CACHD1: variants seen among roughly 807,000 people sequenced by gnomAD.
The protein encoded by CACHD1 is cache domain containing 1.
CACHD1 carries 71 observed loss-of-function variants against 138.7 expected under a neutral mutation model. The observed-to-expected ratio is 0.51, with a 90% confidence interval of 0.42 to 0.62. The LOEUF is 0.62. Ranked by LOEUF, CACHD1 falls within the 20% of genes least tolerant of loss-of-function variation. The pLI is 0.00. For missense variants in CACHD1, 1,389 were observed against 1,625.3 expected (o/e 0.85, Z 2.50); for synonymous variants, 578 against 591.5 (o/e 0.98, Z 0.33).
At chr1:64,677,034 T>C in intron 22 of CACHD1, 23 bp downstream of exon 22, 1 of 1,551,598 alleles carries the variant, frequency 6.4e-7, no homozygotes, top group East Asian at 2.3e-5. Context: ...TAGTAAAGAA[T>C]TGAGGTTTTC....
intron 1 of CACHD1, among the ~76,000 whole-genome samples, chr1:64,484,366 G>C (rs1382548784): frequency 6.6e-6 from 1 of 152,004 alleles, no homozygotes; most frequent in Non-Finnish European, 1.5e-5. Flanking sequence ...TAGAGGTCTT[G>C]AGAGACAGGA....
Position 64,681,919 on chromosome 1 carries a change from T to A in CACHD1, c.3485-86T>A, listed in dbSNP as rs1650204262. The A allele has an allele frequency of 4.4e-6, 5 of 1,137,084 alleles. No individual in the cohort carries two copies. In the Admixed American group the frequency reaches 7.3e-5, roughly 17 times the overall value. The allele number at this position is 1,137,084 out of a possible 1,614,324, so 70.4% of individuals were successfully genotyped here. The stretch of plus-strand genomic sequence containing the variant: ...TTCCAAAGAGAATTCTCCCAGCATG[T>A]AAATGAGCCCTCTCAGAGCAAATGT... On this transcript the variant is annotated intron_variant, in intron 25 of 26. Coordinates refer to ENST00000651257, the MANE Select transcript of CACHD1 (RefSeq NM_020925.4).
intron 16 of CACHD1, among the ~76,000 whole-genome samples, chr1:64,669,728 A>G (rs1264628278): frequency 6.6e-6 from 1 of 151,834 alleles, no homozygotes; most frequent in African/African-American, 2.4e-5. Flanking sequence ...ATGAGTTGCT[A>G]TGGTAACAGT....
At chr1:64,517,549 A>T (rs1646467707) in intron 1 of CACHD1, among the ~76,000 whole-genome samples, 1 of 152,162 alleles carries the variant, frequency 6.6e-6, no homozygotes, top group Admixed American at 6.5e-5. Context: ...GAGACAAAGG[A>T]GTATGCCATG....
intron 4 of CACHD1, among the ~76,000 whole-genome samples, chr1:64,610,628 TG>T (rs371785002): frequency 2.0e-5 from 3 of 152,344 alleles, no homozygotes; most frequent in Non-Finnish European, 4.4e-5. Flanking sequence ...TCCCACGGCC[TG>T]GGGCAGCTCC....
At chr1:64,609,692 A>G (rs1293890911) in intron 4 of CACHD1, among the ~76,000 whole-genome samples, 2 of 152,220 alleles carry the variant, frequency 1.3e-5, no homozygotes, top group Admixed American at 6.5e-5. Context: ...ATACAAATAT[A>G]TATACACACT....
intron 1 of CACHD1, among the ~76,000 whole-genome samples, chr1:64,539,182 G>A (rs1363386899): frequency 2.6e-5 from 4 of 152,064 alleles, no homozygotes; most frequent in Non-Finnish European, 4.4e-5. Context: ...TTTTCTTTGC[G>A]AAAAGGCTTA....
At chr1:64,524,947 A>T (rs1646525610) in intron 1 of CACHD1, among the ~76,000 whole-genome samples, 1 of 152,146 alleles carries the variant, frequency 6.6e-6, no homozygotes, top group South Asian at 2.1e-4. Flanking sequence ...AAGAGTGGCC[A>T]AGTCACTAGC....
At position 64,675,947 on chromosome 1, in the gene CACHD1, A is replaced by G. The variant is rs761031852; in HGVS notation, c.2939A>G (p.Asn980Ser). The change falls in exon 21 of 27, where the codon AAT (asparagine) becomes AGT (serine). Residue 980 changes from asparagine (N) to serine (S), a missense_variant. Around this residue, in one of 5 missense-constraint regions of CACHD1, gnomAD observed 250 missense variants for 292.9 expected, o/e 0.85. Transcript: ENST00000651257. ...CCTTGTGAGTGCCCTCTAGAGGTCA[A>G]TGAGTGCACTGGCAACCTCACCAAT... ...ECPCECPLEVNECTGNLTNAE... is the reference protein window; with the variant it reads ...ECPCECPLEVSECTGNLTNAE... 2.8e-5 allele frequency: 42 copies of G among 1,509,574 alleles called. No individual in the cohort carries two copies. Among genetic ancestry groups the G allele is most frequent in the South Asian group, 8.5e-5 (6 of 70,964 alleles). The allele number at this position is 1,509,574 out of a possible 1,614,324, so 93.5% of individuals were successfully genotyped here.
intron 25 of CACHD1, among the ~76,000 whole-genome samples, chr1:64,681,541 G>GTTTTTTTTTTTTTTTTTTTTTTTTTT (rs57993424): frequency 8.8e-5 from 6 of 68,146 alleles, no homozygotes; most frequent in Middle Eastern, 0.011. Context: ...ATTTTATTGT[G>GTTTTTTTTTTTTTTTTTTTTTTTTTT]TTTTTTTTTT....
intron 1 of CACHD1, among the ~76,000 whole-genome samples, chr1:64,527,963 G>T (rs1646553719): frequency 6.6e-6 from 1 of 152,174 alleles, no homozygotes; most frequent in South Asian, 2.1e-4. Flanking sequence ...TGCTAATGTT[G>T]ACTTCTCACA....
chr1:64,673,312 A>G (rs376332679), intron 18 of CACHD1, 36 bp from the exon 19 acceptor site: 133 of 1,612,222 alleles, frequency 8.2e-5, no homozygotes, highest in Non-Finnish European at 1.1e-4. Context: ...AGCTCACTAC[A>G]TGGCATATGT....
intron 1 of CACHD1, among the ~76,000 whole-genome samples, chr1:64,527,880 G>A (rs1646553116): frequency 6.6e-6 from 1 of 152,184 alleles, no homozygotes; most frequent in South Asian, 2.1e-4. Context: ...GTCCAACAGT[G>A]AGTATGTTTC....
chr1:64,685,067 G>A (rs1043801691), intron 26 of CACHD1, among the ~76,000 whole-genome samples: 8 of 152,186 alleles, frequency 5.3e-5, no homozygotes, highest in Admixed American at 1.3e-4. Context: ...CCCCAGCCTC[G>A]CAATGTGTTG....
chr1:64,671,867 A>G (rs1176230855), intron 17 of CACHD1, among the ~76,000 whole-genome samples, 181 bp downstream of exon 17: 4 of 152,108 alleles, frequency 2.6e-5, no homozygotes, highest in African/African-American at 4.8e-5. Context: ...TGAGATGCAT[A>G]CTGTTTATGA....
intron 1 of CACHD1, among the ~76,000 whole-genome samples, chr1:64,536,447 G>T (rs1057457531): frequency 5.9e-5 from 9 of 152,156 alleles, no homozygotes; most frequent in Non-Finnish European, 1.2e-4. Context: ...AGTAGTTTGG[G>T]ATAATAAATT....
At chr1:64,677,637 C>T (rs560333476) in intron 22 of CACHD1, among the ~76,000 whole-genome samples, 2 of 152,300 alleles carry the variant, frequency 1.3e-5, no homozygotes, top group South Asian at 2.1e-4. Flanking sequence ...GGATGTTATA[C>T]AGTAGCCCCA....
chr1:64,679,425 C>T (rs1268016204), intron 23 of CACHD1, among the ~76,000 whole-genome samples, 170 bp from the exon 24 acceptor site: 3 of 152,180 alleles, frequency 2.0e-5, no homozygotes, highest in East Asian at 1.9e-4. Flanking sequence ...ATGTAGCCTC[C>T]GCTCCCACGT....
intron 26 of CACHD1, among the ~76,000 whole-genome samples, chr1:64,682,448 T>C (rs1014230288): frequency 2.4e-4 from 37 of 152,098 alleles, no homozygotes; most frequent in African/African-American, 8.5e-4. Flanking sequence ...CATGTCCCCT[T>C]GGGGCATGAC....
Sources: gnomAD v4.1 joint callset for allele counts (sites outside exome capture counted in the v4.1 genomes callset) on GRCh38, gnomAD v4.1.1 for gene constraint, gnomAD v4.1.1 regional missense constraint, MANE v1.5 for transcripts, NCBI Gene and HGNC (gene_info 2026-07-23, HGNC 2026-07-21) for gene names.